Variants in DDX60L observed in about 807,000 individuals in gnomAD.
The protein encoded by DDX60L is probable ATP-dependent RNA helicase DDX60-like.
A neutral mutation model predicts 211.6 loss-of-function variants in DDX60L; 191 were observed. The ratio of observed to expected loss-of-function variants is 0.90; its 90% CI spans 0.80 to 1.02. The LOEUF is 1.02. Among genes scored for constraint, DDX60L ranks in the 50% least tolerant of loss-of-function variants. The pLI is 0.00. For missense variants in DDX60L, 2,007 were observed against 1,984.1 expected (o/e 1.01, Z -0.22); for synonymous variants, 706 against 694.1 (o/e 1.02, Z -0.27).
chr4:168,407,352 G>A (rs1424614431), intron 22 of DDX60L, among the ~76,000 whole-genome samples: 1 of 152,154 alleles, frequency 6.6e-6, no homozygotes, highest in Admixed American at 6.5e-5. Flanking sequence ...AAATACTGTT[G>A]ATGTTAGTTG....
At chr4:168,379,904 C>T (rs1742640169) in intron 30 of DDX60L, 74 bp from the exon 31 acceptor site, 3 of 1,029,314 alleles carry the variant, frequency 2.9e-6, no homozygotes, top group Non-Finnish European at 4.3e-6. Flanking sequence ...ATAAATAGTA[C>T]ACATACATAC....
chr4:168,360,759 G>C (rs1358265264), intron 37 of DDX60L, among the ~76,000 whole-genome samples: 1 of 152,234 alleles, frequency 6.6e-6, no homozygotes, highest in Admixed American at 6.5e-5. Flanking sequence ...TAACTGCTTT[G>C]AAGTGGATAT....
At chr4:168,479,697 G>T (rs923752055) in intron 1 of DDX60L, among the ~76,000 whole-genome samples, 2 of 152,042 alleles carry the variant, frequency 1.3e-5, no homozygotes, top group Admixed American at 1.3e-4. Context: ...GGCCGGGCGC[G>T]GTGGCTCACG....
At chr4:168,427,412 A>G (rs559633907) in intron 13 of DDX60L, 90 bp from the exon 14 acceptor site, 1 of 1,398,580 alleles carries the variant, frequency 7.2e-7, no homozygotes, top group South Asian at 1.4e-5. Flanking sequence ...GCACTTACTG[A>G]GGACTCTGGC....
At chr4:168,390,148 A>G in intron 29 of DDX60L, 1 of 989,532 alleles carries the variant, frequency 1.0e-6, no homozygotes, top group East Asian at 1.1e-4. Flanking sequence ...ATGCTAAGTC[A>G]TCAGGGCAGG....
At chr4:168,466,629 T>C (rs929311368) in intron 4 of DDX60L, among the ~76,000 whole-genome samples, 1 of 152,154 alleles carries the variant, frequency 6.6e-6, no homozygotes, top group Non-Finnish European at 1.5e-5. Flanking sequence ...CTATTAAGAG[T>C]TGGTGCATGT....
At chr4:168,362,855 T>C (rs1739335578) in intron 36 of DDX60L, among the ~76,000 whole-genome samples, 1 of 152,158 alleles carries the variant, frequency 6.6e-6, no homozygotes, top group Admixed American at 6.5e-5. Context: ...ATTCACCTTA[T>C]AGGGGCACCA....
At chr4:168,477,991 G>C (rs1759829693) in intron 1 of DDX60L, among the ~76,000 whole-genome samples, 1 of 152,108 alleles carries the variant, frequency 6.6e-6, no homozygotes, top group Non-Finnish European at 1.5e-5. Flanking sequence ...CCTTTGGGAA[G>C]CTGATGTGGG....
At position 168,421,878 on chromosome 4, in the gene DDX60L, T is replaced by C; in HGVS notation, c.2276A>G (p.Glu759Gly). ...QELLDVVDKN[E>G]SAVIVAPTSS... ...CGTTGGGGCAACAATCACTGCTGACTCATTCTTATCTACCACATCCAGGAG... is the reference window on the plus strand; with the variant it reads ...CGTTGGGGCAACAATCACTGCTGACCCATTCTTATCTACCACATCCAGGAG... Residue 759 changes from glutamate (E) to glycine (G), a missense_variant, in exon 17 of 38, where the codon GAG (glutamate) becomes GGG (glycine). Physicochemically the swap from Glu to Gly is moderately conservative, Grantham distance 98. Coordinates refer to ENST00000682922, the MANE Select transcript of DDX60L (RefSeq NM_001012967.3). 6.2e-7 allele frequency: 1 copy of C among 1,614,156 alleles called. No individual in the cohort carries two copies. Among genetic ancestry groups the C allele is most frequent in the Non-Finnish European group, 8.5e-7 (1 of 1,180,016 alleles).
rs374901352 is a variant in DDX60L, at chr4:168,389,780, T to C, written c.3915+1760A>G. ...TGGAAGATGTGTCAAAATACTGACATGAAGTCAAAATAATGACAGCTAAAC... is the reference window on the plus strand; with the variant it reads ...TGGAAGATGTGTCAAAATACTGACACGAAGTCAAAATAATGACAGCTAAAC... On this transcript the variant is annotated intron_variant, in intron 29 of 37. Transcript: ENST00000682922. 2.0e-5 allele frequency among the ~76,000 whole-genome samples: 3 copies of C among 152,304 alleles called. 1 individual carries two copies. The highest frequency in any genetic ancestry group is 4.1e-4 in the South Asian group (2 of 4,824).
chr4:168,449,538 C>T (rs1399081475), intron 8 of DDX60L, among the ~76,000 whole-genome samples: 6 of 128,696 alleles, frequency 4.7e-5, no homozygotes, highest in African/African-American at 1.5e-4. Context: ...GTGGGTGCAG[C>T]GCACCAGCAT....
At chr4:168,459,499 C>T (rs1212265062) in intron 5 of DDX60L, among the ~76,000 whole-genome samples, 1 of 152,054 alleles carries the variant, frequency 6.6e-6, no homozygotes, top group African/African-American at 2.4e-5. Context: ...CGCCTGCAAT[C>T]CCAGCACTTT....
intron 28 of DDX60L, among the ~76,000 whole-genome samples, chr4:168,392,157 C>T (rs562353079): frequency 2.0e-5 from 3 of 152,292 alleles, no homozygotes; most frequent in Non-Finnish European, 4.4e-5. Flanking sequence ...TTTTGTCTTA[C>T]GTACTCTGGA....
intron 9 of DDX60L, among the ~76,000 whole-genome samples, chr4:168,445,172 C>T (rs1302489177): frequency 8.2e-4 from 111 of 135,788 alleles, no homozygotes; most frequent in African/African-American, 2.9e-3. Context: ...ATCAAATAGA[C>T]GCAATAAAAA....
At chr4:168,460,516 A>ACAC (rs1188927896) in intron 5 of DDX60L, among the ~76,000 whole-genome samples, 2 of 152,174 alleles carry the variant, frequency 1.3e-5, no homozygotes, top group African/African-American at 4.8e-5. Context: ...GGGCGGCAGG[A>ACAC]CACCCTACGG....
At chr4:168,432,679 AT>A (rs1442708342) in intron 11 of DDX60L, 109 bp from the exon 12 acceptor site, 2 of 616,556 alleles carry the variant, frequency 3.2e-6, no homozygotes, top group African/African-American at 3.8e-5. Flanking sequence ...TATTTGTGTG[AT>A]ATAATGTGGG....
At chr4:168,446,962 T>C (rs201868507) in intron 9 of DDX60L, among the ~76,000 whole-genome samples, 45,042 of 112,984 alleles carry the variant, frequency 0.4, 9,044 homozygotes, top group South Asian at 0.47. Flanking sequence ...ATTCAGGACA[T>C]AGGCATGGGC....
rs1419098811 is a variant in DDX60L at position 168,396,132 on chromosome 4, T to TAA, written c.3492-9_3492-8insTT. On this transcript the variant is annotated splice_polypyrimidine_tract_variant and intron_variant, in intron 26 of 37. Coordinates refer to ENST00000682922, the MANE Select transcript of DDX60L (RefSeq NM_001012967.3). Reference sequence around the variant, plus strand: ...TTTGGGTTTTTTTTAGTGCTACTATTTAAAAAAAAAAAAAAACTTTTAAGT... The same window carrying TAA: ...TTTGGGTTTTTTTTAGTGCTACTATTAATAAAAAAAAAAAAAAACTTTTAAGT... 19 of 1,333,328 alleles carry TAA rather than the reference T, an allele frequency of 1.4e-5. No homozygotes were observed. Among genetic ancestry groups the TAA allele is most frequent in the East Asian group, 2.7e-5 (1 of 37,210 alleles). 82.6% of individuals were successfully genotyped at this position (1,333,328 alleles called of 1,614,324 possible). A position where few individuals can be genotyped will look rare whatever the true frequency, so the allele number is the denominator to read the frequency against.
rs772012194 is a variant in DDX60L at position 168,384,685 on chromosome 4, A to G, written c.4043T>C (p.Leu1348Pro). ...SVPELRGQFPLSITLVLRLML... is the reference protein window; with the variant it reads ...SVPELRGQFPPSITLVLRLML... ...GAGTCGCAGGACCAGGGTTATGCTG[A>G]GAGGGAACTGTCCTCTCAGCTCAGG... is the stretch of plus-strand genomic sequence containing the variant. Residue 1348 changes from leucine to proline, a missense_variant, in exon 30 of 38, where the codon CTC becomes CCC. Coordinates refer to ENST00000682922, the MANE Select transcript of DDX60L (RefSeq NM_001012967.3). The G allele has an allele frequency of 2.8e-5, 45 of 1,613,830 alleles. No individual in the cohort carries two copies. Among genetic ancestry groups the G allele is most frequent in the Admixed American group, 1.2e-4 (7 of 59,924 alleles).
Sources: gnomAD v4.1 joint callset for allele counts (sites outside exome capture counted in the v4.1 genomes callset) on GRCh38, gnomAD v4.1.1 for gene constraint, MANE v1.5 for transcripts, NCBI Gene and HGNC (gene_info 2026-07-23, HGNC 2026-07-21) for gene names.